The following PCDHA13 variants were observed in gnomAD, a reference collection of about 807,000 sequenced individuals.
PCDHA13 encodes protocadherin alpha-13.
Under a neutral mutation model 64.8 loss-of-function variants are expected in PCDHA13, and 54 were observed. That is an observed-to-expected ratio of 0.83 (90% CI 0.67 to 1.04). The LOEUF is 1.04. Among genes scored for constraint, PCDHA13 ranks in the 50% least tolerant of loss-of-function variants. The pLI is 0.00. For synonymous variants in PCDHA13, 587 were observed against 564.4 expected (o/e 1.04, Z -0.57); for missense variants, 1,248 against 1,254.3 (o/e 0.99, Z 0.08).
intron 1 of PCDHA13, among the ~76,000 whole-genome samples, chr5:140,924,825 G>A (rs1282051408): frequency 1.3e-5 from 2 of 151,514 alleles, no homozygotes; most frequent in African/African-American, 4.9e-5. Flanking sequence ...AACCTGGGAG[G>A]GGGAGGTTGC....
intron 3 of PCDHA13, among the ~76,000 whole-genome samples, chr5:140,985,992 G>A (rs1173402846): frequency 3.3e-5 from 5 of 152,068 alleles, no homozygotes; most frequent in African/African-American, 4.8e-5. Context: ...GCCCACCTCA[G>A]CCTCCCAAAG....
intron 3 of PCDHA13, among the ~76,000 whole-genome samples, chr5:140,998,105 A>G (rs1554256162): frequency 6.6e-6 from 1 of 152,204 alleles, no homozygotes; most frequent in African/African-American, 2.4e-5. Context: ...CAAACAGAGG[A>G]GAAAATTTAC....
intron 1 of PCDHA13, among the ~76,000 whole-genome samples, chr5:140,886,071 A>G (rs985861864): frequency 3.9e-5 from 6 of 152,338 alleles, no homozygotes; most frequent in South Asian, 2.1e-4. Context: ...GCGTAGGGCC[A>G]TACCACAACC....
At chr5:141,001,384 A>G (rs1554258149) in intron 3 of PCDHA13, among the ~76,000 whole-genome samples, 1 of 152,204 alleles carries the variant, frequency 6.6e-6, no homozygotes, top group African/African-American at 2.4e-5. Context: ...AGAGCCTAAG[A>G]TCCTACAGAG....
rs376697527 is a variant in PCDHA13, at chr5:140,912,219, T to G, written c.2394+27557T>G. ...CCCAGATTGAGGGTAGATCTGCCTT[T>G]CCCAGTCCACTGACTCAAATGTTAA... On this transcript the variant is annotated intron_variant, in intron 1 of 3. Transcript: ENST00000289272. 4.3e-4 allele frequency among the ~76,000 whole-genome samples: 66 copies of G among 152,026 alleles called. 1 individual carries two copies. In the South Asian group the frequency reaches 0.013, roughly 30 times the overall value.
At chr5:140,921,428 T>G (rs1291283426) in intron 1 of PCDHA13, among the ~76,000 whole-genome samples, 1 of 152,190 alleles carries the variant, frequency 6.6e-6, no homozygotes, top group Non-Finnish European at 1.5e-5. Context: ...GACAAAAATT[T>G]TCTTCAATGG....
Position 140,883,794 on chromosome 5 carries a change from C to T in PCDHA13, c.1526C>T (p.Ser509Leu), listed in dbSNP as rs781822448. Residue 509 changes from serine (S) to leucine (L), a missense_variant, in exon 1 of 4, where the codon TCG (serine) becomes TTG (leucine). Physicochemically the swap from Ser to Leu is moderately radical, Grantham distance 145. Coordinates refer to ENST00000289272, the MANE Select transcript of PCDHA13 (RefSeq NM_018904.3). ...VGERALSSYV[S>L]VHAESGKVYA... ...GAGCGTGCGCTGTCGAGCTACGTGT[C>T]GGTGCACGCGGAGAGCGGCAAGGTG... 8 of 1,612,476 alleles carry T rather than the reference C, an allele frequency of 5.0e-6. No individual in the cohort carries two copies. The East Asian group carries it at 1.6e-4, about 31-fold the overall frequency.
intron 1 of PCDHA13, among the ~76,000 whole-genome samples, chr5:140,960,351 T>C (rs1268803425): frequency 3.3e-5 from 5 of 152,192 alleles, no homozygotes; most frequent in African/African-American, 7.2e-5. Flanking sequence ...AGATATGTAC[T>C]GAAATAATAT....
At chr5:141,000,414 TATATA>T (rs1398508145) in intron 3 of PCDHA13, among the ~76,000 whole-genome samples, 89 of 99,526 alleles carry the variant, frequency 8.9e-4, no homozygotes, top group African/African-American at 1.6e-3. Context: ...TATATATATA[TATATA>T]TATTTTTTTT....
Position 140,884,130 on chromosome 5 carries a change from C to A in PCDHA13, c.1862C>A (p.Pro621Gln). 6.2e-7 allele frequency: 1 copy of A among 1,613,434 alleles called. No homozygotes were observed. Among genetic ancestry groups the A allele is most frequent in the South Asian group, 1.1e-5 (1 of 91,062 alleles). The change falls in exon 1 of 4, where the codon CCG (proline) becomes CAG (glutamine). Residue 621 changes from proline to glutamine, a missense_variant. By Grantham distance (76) the Pro-to-Gln change is moderately conservative. Coordinates refer to ENST00000289272, the MANE Select transcript of PCDHA13 (RefSeq NM_018904.3). ...CTGGCGGCGGTCGGCGCGCGCATCC[C>A]GTTCCGCGTGGGGCTGTACACTGGC... is the stretch of plus-strand genomic sequence containing the variant. ...LQLAAVGARI[P>Q]FRVGLYTGEI...
chr5:140,924,887 C>A (rs528979895), intron 1 of PCDHA13, among the ~76,000 whole-genome samples: 1 of 126,448 alleles, frequency 7.9e-6, no homozygotes, highest in African/African-American at 3.2e-5. Flanking sequence ...AGAGCAAGAA[C>A]CTGTCTCAAA....
chr5:140,982,917 C>T (rs2097016226), intron 3 of PCDHA13, among the ~76,000 whole-genome samples: 1 of 151,626 alleles, frequency 6.6e-6, no homozygotes, highest in Non-Finnish European at 1.5e-5. Context: ...ACAGAGATGA[C>T]ACTGTTAACA....
At chr5:140,975,027 C>G (rs1235916815) in intron 1 of PCDHA13, among the ~76,000 whole-genome samples, 1 of 152,082 alleles carries the variant, frequency 6.6e-6, no homozygotes, top group Non-Finnish European at 1.5e-5. Flanking sequence ...GCTGTGTTGT[C>G]CTTTGCAGGC....
At chr5:140,916,527 C>T (rs2077599616) in intron 1 of PCDHA13, among the ~76,000 whole-genome samples, 1 of 152,162 alleles carries the variant, frequency 6.6e-6, no homozygotes, top group Non-Finnish European at 1.5e-5. Context: ...CTGGGTCCTT[C>T]CCACCAAGGC....
intron 1 of PCDHA13, among the ~76,000 whole-genome samples, chr5:140,970,418 G>A (rs1377182658): frequency 6.6e-6 from 1 of 152,220 alleles, no homozygotes; most frequent in East Asian, 1.9e-4. Flanking sequence ...ACAGTAAGGT[G>A]TAGAGGCAGG....
chr5:140,892,757 A>G lies in PCDHA13; in HGVS notation c.2394+8095A>G, dbSNP rs140291258. 8.0e-3 allele frequency among the ~76,000 whole-genome samples: 1,217 copies of G among 152,310 alleles called. 7 individuals carry two copies. Among genetic ancestry groups the G allele is most frequent in the African/African-American group, 0.019 (784 of 41,562 alleles). ...CCATTTTTGCATGGTGAACATTTAA[A>G]ATCCACTCTTCTAGCTTCTTGAAAA... On this transcript the variant is annotated intron_variant, in intron 1 of 3. Transcript: ENST00000289272.
At chr5:140,913,160 G>T (rs1437493261) in intron 1 of PCDHA13, among the ~76,000 whole-genome samples, 4 of 152,156 alleles carry the variant, frequency 2.6e-5, no homozygotes, top group African/African-American at 9.7e-5. Flanking sequence ...AGTAGGATTG[G>T]TATTAGTTCT....
At chr5:140,966,968 G>T in intron 1 of PCDHA13, 1 of 1,602,616 alleles carries the variant, frequency 6.2e-7, no homozygotes. Context: ...GCTGGGGCTT[G>T]AGCTGCGGCG....
At position 141,009,757 on chromosome 5, in the gene PCDHA13, A is replaced by G; in HGVS notation, c.2673A>G (p.Pro891=). 6.2e-7 allele frequency: 1 copy of G among 1,614,200 alleles called. No individual in the cohort carries two copies. Among genetic ancestry groups the G allele is most frequent in the Non-Finnish European group, 8.5e-7 (1 of 1,180,036 alleles). Residue 891 remains proline (P), a synonymous_variant, in exon 4 of 4, where the codon CCA becomes CCG. Coordinates refer to ENST00000289272, the MANE Select transcript of PCDHA13 (RefSeq NM_018904.3). ...AGTTGCCCGACAAATTCATTATCCCAGGATCTCCTGCAATCATCTCCATCC... is the reference window on the plus strand; with the variant it reads ...AGTTGCCCGACAAATTCATTATCCCGGGATCTCCTGCAATCATCTCCATCC... ...PGELPDKFII[P]GSPAIISIRQ... is the part of the protein sequence containing the mutation.
Sources: gnomAD v4.1 joint callset for allele counts (sites outside exome capture counted in the v4.1 genomes callset) on GRCh38, gnomAD v4.1.1 for gene constraint, MANE v1.5 for transcripts, NCBI Gene and HGNC (gene_info 2026-07-23, HGNC 2026-07-21) for gene names.